The following ABHD12 variants were observed in gnomAD, a reference collection of about 807,000 sequenced individuals.
ABHD12 encodes the protein lysophosphatidylserine lipase ABHD12.
In ABHD12, 43 loss-of-function variants were observed where a neutral mutation model predicts 58.3. The observed-to-expected ratio is 0.74, with a 90% CI of 0.58 to 0.95. The LOEUF (loss-of-function observed/expected upper bound fraction) is 0.95, where lower values mean the gene tolerates loss of function less well. Among genes scored for constraint, ABHD12 ranks in the 40% least tolerant of loss-of-function variants. The pLI is 0.00. For missense variants in ABHD12, 539 were observed against 537.2 expected (o/e 1.00, Z -0.03); for synonymous variants, 219 against 211.2 (o/e 1.04, Z -0.32).
chr20:25,353,664 G>A lies in ABHD12; in HGVS notation c.192-14313C>T, dbSNP rs552555267. On this transcript the variant is annotated intron_variant, in intron 1 of 12. Transcript: ENST00000339157. ...CGGCAGGCAGACCCTTGGCTCTTACGGGAGAGTTGCTGTGATCCTTCCAAG... is the reference window on the plus strand; with the variant it reads ...CGGCAGGCAGACCCTTGGCTCTTACAGGAGAGTTGCTGTGATCCTTCCAAG... Among the ~76,000 whole-genome samples, 21 of 152,264 alleles carry A rather than the reference G, an allele frequency of 1.4e-4. No individual in the cohort carries two copies. In the South Asian group the frequency reaches 2.9e-3, roughly 21 times the overall value.
chr20:25,297,896 A>C (rs1179648552), downstream of ABHD12: 1 of 152,320 alleles, frequency 6.6e-6, no homozygotes, highest in Non-Finnish European at 1.5e-5. Flanking sequence ...TCTGTGGAGG[A>C]GGCCATACTC....
intron 1 of ABHD12, among the ~76,000 whole-genome samples, chr20:25,382,192 G>A (rs1293566194): frequency 1.3e-5 from 2 of 152,166 alleles, no homozygotes; most frequent in Admixed American, 1.3e-4. Flanking sequence ...CTCTATGAAG[G>A]CTATCCTCTG....
intron 1 of ABHD12, among the ~76,000 whole-genome samples, chr20:25,366,822 A>C (rs1013577178): frequency 6.6e-6 from 1 of 152,132 alleles, no homozygotes; most frequent in African/African-American, 2.4e-5. Context: ...TAAATTCACA[A>C]GTGTATTTGG....
intron 2 of ABHD12, among the ~76,000 whole-genome samples, chr20:25,337,594 A>G (rs2089393442): frequency 6.6e-6 from 1 of 152,272 alleles, no homozygotes; most frequent in African/African-American, 2.4e-5. Context: ...CAGGCCACGC[A>G]GGGCAATGCA....
In ABHD12 at chr20:25,309,021, T is replaced by A. The variant is rs77358848; in HGVS notation, c.749+425A>T. 9.6e-3 allele frequency among the ~76,000 whole-genome samples: 1,468 copies of A among 152,306 alleles called. 7 individuals are homozygous for A. Among genetic ancestry groups the A allele is most frequent in the Non-Finnish European group, 0.016 (1,080 of 68,008 alleles). On this transcript the variant is annotated intron_variant, in intron 7 of 12. Transcript: ENST00000339157. ...GGAATGGCAGTGAAGGTCTGGGGAC[T>A]GGGGCCCTGAGAGCAGAGGTTCCCG...
intron 1 of ABHD12, chr20:25,390,083 C>T (rs2090149006): frequency 6.4e-6 from 1 of 155,784 alleles, no homozygotes; most frequent in Admixed American, 6.5e-5. Flanking sequence ...GCGCCGGCCC[C>T]TCTGCCTCCC....
At position 25,303,545 on chromosome 20, in the gene ABHD12, C is replaced by T. The variant is rs747686949; in HGVS notation, c.1029+5G>A. The T allele has an allele frequency of 3.7e-6, 6 of 1,613,416 alleles. No individual in the cohort carries two copies. The South Asian group carries it at 6.6e-5, about 18-fold the overall frequency. The stretch of plus-strand genomic sequence containing the variant: ...GCTACACCAGAGGCAGAGGCCAGGA[C>T]CCACCTTTCTGCCAAGCTGGAAGGG... On this transcript the variant is annotated splice_donor_5th_base_variant and intron_variant, in intron 11 of 12. Coordinates refer to ENST00000339157, the MANE Select transcript of ABHD12 (RefSeq NM_001042472.3).
chr20:25,348,994 G>C (rs2089559942), intron 1 of ABHD12, among the ~76,000 whole-genome samples: 1 of 151,290 alleles, frequency 6.6e-6, no homozygotes. Flanking sequence ...TGAGGCAGGA[G>C]AATGGTGTGA....
chr20:25,378,960 C>T (rs1054078815), intron 1 of ABHD12, among the ~76,000 whole-genome samples: 3 of 152,060 alleles, frequency 2.0e-5, no homozygotes, highest in South Asian at 4.1e-4. Flanking sequence ...CCCACAACTA[C>T]CATATGAAGA....
chr20:25,310,569 A>T (rs2088830285), intron 6 of ABHD12: 2 of 152,530 alleles, frequency 1.3e-5, no homozygotes, highest in Non-Finnish European at 2.9e-5. Context: ...CGACTCAGAC[A>T]CTAGAGGAGG....
chr20:25,298,273 T>C (rs558577786), downstream of ABHD12, among the ~76,000 whole-genome samples: 351 of 152,310 alleles, frequency 2.3e-3, 1 homozygote, highest in Middle Eastern at 6.8e-3. Flanking sequence ...AGTTTTGTTT[T>C]TTTGTTTTTG....
chr20:25,297,672 G>A (rs2088570075), downstream of ABHD12: 1 of 152,284 alleles, frequency 6.6e-6, no homozygotes, highest in African/African-American at 2.4e-5. Context: ...GCAGGGAACA[G>A]GCTACTGTCC....
intron 1 of ABHD12, among the ~76,000 whole-genome samples, chr20:25,386,338 A>G (rs1166458442): frequency 6.7e-6 from 1 of 148,276 alleles, no homozygotes; most frequent in Non-Finnish European, 1.5e-5. Context: ...GGCTCGCTGC[A>G]AGCTCCACCT....
chr20:25,390,447 C>CGGGACGCACCTGCGCAAAGTGAG, intron 1 of ABHD12, 66 bp downstream of exon 1: 4 of 1,312,558 alleles, frequency 3.0e-6, no homozygotes, highest in Non-Finnish European at 3.9e-6. Flanking sequence ...CGGCCCCCTG[C>CGGGACGCACCTGCGCAAAGTGAG]GGGACGCACC....
chr20:25,302,415 C>G, intron 11 of ABHD12, 69 bp from the exon 12 acceptor site: 1 of 1,594,578 alleles, frequency 6.3e-7, no homozygotes, highest in Non-Finnish European at 8.6e-7. Flanking sequence ...GGAACACCAG[C>G]TTGGCAGCCT....
chr20:25,386,894 A>G (rs1342403531), intron 1 of ABHD12, among the ~76,000 whole-genome samples: 1 of 152,144 alleles, frequency 6.6e-6, no homozygotes, highest in Non-Finnish European at 1.5e-5. Flanking sequence ...AAATAAAAAT[A>G]AAAAATAAAT....
intron 1 of ABHD12, among the ~76,000 whole-genome samples, chr20:25,387,280 G>A (rs895091135): frequency 6.6e-6 from 1 of 152,122 alleles, no homozygotes; most frequent in Non-Finnish European, 1.5e-5. Context: ...AGAAAAAGAG[G>A]TCAGACATGG....
intron 1 of ABHD12, among the ~76,000 whole-genome samples, chr20:25,366,640 A>C (rs1295708424): frequency 6.6e-6 from 1 of 152,220 alleles, no homozygotes; most frequent in African/African-American, 2.4e-5. Context: ...TCAAGACTTT[A>C]GAATTTCACT....
chr20:25,303,136 C>T, intron 11 of ABHD12: 1 of 823,912 alleles, frequency 1.2e-6, no homozygotes, highest in South Asian at 2.9e-5. Flanking sequence ...GACTGTGACC[C>T]CTGCAATGGG....
Sources: gnomAD v4.1 joint callset for allele counts (sites outside exome capture counted in the v4.1 genomes callset) on GRCh38, gnomAD v4.1.1 for gene constraint, MANE v1.5 for transcripts, NCBI Gene and HGNC (gene_info 2026-07-23, HGNC 2026-07-21) for gene names.